XKR4: variants seen among roughly 807,000 people sequenced by gnomAD.
XKR4 encodes the protein XK related 4.
A neutral mutation model predicts 53.9 loss-of-function variants in XKR4; 12 were observed. The ratio of observed to expected loss-of-function variants is 0.22; its 90% CI spans 0.14 to 0.36. The LOEUF is 0.36. Ranked by LOEUF, XKR4 falls within the 10% of genes least tolerant of loss-of-function variation. The pLI, the probability that XKR4 is intolerant of heterozygous loss-of-function variation, is 1.00. For missense variants in XKR4, 799 were observed against 859.5 expected (o/e 0.93, Z 0.88); for synonymous variants, 354 against 362.4 (o/e 0.98, Z 0.26).
chr8:55,398,596 C>A (rs142794630), intron 2 of XKR4, among the ~76,000 whole-genome samples: 1 of 152,032 alleles, frequency 6.6e-6, no homozygotes, highest in African/African-American at 2.4e-5. Context: ...ATTGGCTCTG[C>A]GGCTTTAGTT....
intron 2 of XKR4, among the ~76,000 whole-genome samples, chr8:55,440,416 C>T (rs1415342910): frequency 6.6e-6 from 1 of 151,924 alleles, no homozygotes; most frequent in Non-Finnish European, 1.5e-5. Flanking sequence ...ATATAAATTC[C>T]TCCAAAAATA....
intron 1 of XKR4, among the ~76,000 whole-genome samples, chr8:55,212,737 A>G (rs1378724650): frequency 6.6e-6 from 1 of 152,216 alleles, no homozygotes; most frequent in African/African-American, 2.4e-5. Context: ...GAATTCAGAC[A>G]GAAGCAAATC....
At chr8:55,271,643 G>A (rs1346629891) in intron 1 of XKR4, among the ~76,000 whole-genome samples, 1 of 152,232 alleles carries the variant, frequency 6.6e-6, no homozygotes, top group African/African-American at 2.4e-5. Context: ...CCCTGATGGC[G>A]GCTGATGGCC....
intron 1 of XKR4, among the ~76,000 whole-genome samples, chr8:55,220,925 C>CTGTT (rs1817872615): frequency 1.3e-5 from 2 of 152,200 alleles, no homozygotes; most frequent in Non-Finnish European, 2.9e-5. Flanking sequence ...ATAGCAGGCT[C>CTGTT]CACGTTCGTG....
intron 2 of XKR4, among the ~76,000 whole-genome samples, chr8:55,415,384 C>A (rs569914739): frequency 7.8e-4 from 118 of 152,212 alleles, no homozygotes; most frequent in Non-Finnish European, 1.4e-3. Context: ...AAAACCATGG[C>A]TGTAAAAAGT....
intron 2 of XKR4, among the ~76,000 whole-genome samples, chr8:55,504,187 TTTTTG>T (rs34175312): frequency 0.23 from 33,217 of 145,852 alleles, 3,874 homozygotes; most frequent in Middle Eastern, 0.29. Context: ...GTTGTTGTTG[TTTTTG>T]TTTTGTTTTG....
chr8:55,388,409 A>C (rs1381618300), intron 2 of XKR4, among the ~76,000 whole-genome samples: 1 of 152,236 alleles, frequency 6.6e-6, no homozygotes. Flanking sequence ...GCTACTATAA[A>C]AATATACCAT....
chr8:55,454,638 C>A (rs1805528033), intron 2 of XKR4: 2 of 1,095,208 alleles, frequency 1.8e-6, no homozygotes, highest in African/African-American at 1.5e-5. Context: ...CAGCCAGGGG[C>A]ACGGTGCACG....
At chr8:55,189,187 T>C (rs185732804) in intron 1 of XKR4, among the ~76,000 whole-genome samples, 22 of 152,308 alleles carry the variant, frequency 1.4e-4, no homozygotes, top group Middle Eastern at 3.4e-3. Context: ...ATTTCCATTT[T>C]TTTTCCTGAG....
intron 1 of XKR4, among the ~76,000 whole-genome samples, chr8:55,130,404 G>A (rs542408906): frequency 1.3e-5 from 2 of 152,262 alleles, no homozygotes; most frequent in Non-Finnish European, 2.9e-5. Context: ...AACACACCTG[G>A]TACAGTGACA....
chr8:55,363,575 G>A (rs1444151533), intron 2 of XKR4, among the ~76,000 whole-genome samples: 1 of 152,124 alleles, frequency 6.6e-6, no homozygotes, highest in Non-Finnish European at 1.5e-5. Flanking sequence ...CCTAACACTG[G>A]CTTGCAACTT....
chr8:55,425,168 C>G (rs973817997), intron 2 of XKR4, among the ~76,000 whole-genome samples: 8 of 152,126 alleles, frequency 5.3e-5, no homozygotes, highest in Admixed American at 2.6e-4. Context: ...ACCTAGTGGC[C>G]TCACTGAATG....
intron 1 of XKR4, among the ~76,000 whole-genome samples, chr8:55,251,687 G>C (rs979429964): frequency 6.6e-6 from 1 of 152,158 alleles, no homozygotes; most frequent in African/African-American, 2.4e-5. Flanking sequence ...GACAGTAGGT[G>C]TGGAGGATCA....
At chr8:55,481,480 G>A (rs1489612985) in intron 2 of XKR4, among the ~76,000 whole-genome samples, 1 of 152,066 alleles carries the variant, frequency 6.6e-6, no homozygotes, top group African/African-American at 2.4e-5. Flanking sequence ...CAGGACATAG[G>A]CATGGGCAAG....
intron 1 of XKR4, among the ~76,000 whole-genome samples, chr8:55,281,915 A>C (rs899034261): frequency 6.6e-6 from 1 of 152,192 alleles, no homozygotes; most frequent in African/African-American, 2.4e-5. Context: ...TCCCAATGAA[A>C]ATTGGCAAAG....
chr8:55,288,467 G>T (rs907633023), intron 1 of XKR4, among the ~76,000 whole-genome samples: 1 of 152,096 alleles, frequency 6.6e-6, no homozygotes, highest in Non-Finnish European at 1.5e-5. Context: ...GTACTTTCTG[G>T]AATGAAACCA....
At chr8:55,389,013 T>G (rs1804396060) in intron 2 of XKR4, among the ~76,000 whole-genome samples, 1 of 152,172 alleles carries the variant, frequency 6.6e-6, no homozygotes, top group Non-Finnish European at 1.5e-5. Context: ...GGGTGGGGGA[T>G]CATAATTTAA....
At position 55,523,798 on chromosome 8, in the gene XKR4, G is replaced by A. The variant is rs538945022; in HGVS notation, c.1524G>A (p.Met508Ile). The change falls in exon 3 of 3, where the codon ATG becomes ATA. Residue 508 changes from methionine (M) to isoleucine (I), a missense_variant. Transcript: ENST00000327381. Reference sequence around the variant, plus strand: ...TAACTGGCGTTGTTTTTATGCTGATGTATTATGCCTTCTTTCATCCCAATG... The same window carrying A: ...TAACTGGCGTTGTTTTTATGCTGATATATTATGCCTTCTTTCATCCCAATG... ...SFLTGVVFMLMYYAFFHPNGP... is the reference protein window; with the variant it reads ...SFLTGVVFMLIYYAFFHPNGP... 4.3e-6 allele frequency: 7 copies of A among 1,614,226 alleles called. No individual in the cohort carries two copies. Among genetic ancestry groups the A allele is most frequent in the South Asian group, 1.1e-5 (1 of 91,084 alleles).
rs1386825914 is a variant in XKR4, at chr8:55,527,328, T to A, written c.*3101T>A. On this transcript the variant is annotated 3_prime_UTR_variant, in exon 3 of 3. Coordinates refer to ENST00000327381, the MANE Select transcript of XKR4 (RefSeq NM_052898.2). Reference sequence around the variant, plus strand: ...AAAAAATTGGAAATGCTGGGTTCCTTATCTGCAGGCTCCTTTCTGTGTCTG... The same window carrying A: ...AAAAAATTGGAAATGCTGGGTTCCTAATCTGCAGGCTCCTTTCTGTGTCTG... The A allele has an allele frequency of 6.6e-6, 1 of 152,220 alleles. No homozygotes were observed. Among genetic ancestry groups the A allele is most frequent in the Non-Finnish European group, 1.5e-5 (1 of 68,018 alleles). The allele number at this position is 152,220 out of a possible 1,614,324, so 9.4% of individuals were successfully genotyped here. A position where few individuals can be genotyped will look rare whatever the true frequency, so the allele number is the denominator to read the frequency against.
Sources: allele counts gnomAD v4.1 joint callset (sites outside exome capture counted in the v4.1 genomes callset), GRCh38; gene constraint gnomAD v4.1.1; transcripts MANE v1.5; gene names NCBI Gene and HGNC (gene_info 2026-07-23, HGNC 2026-07-21).